The following NKAIN2 variants were observed in gnomAD, a reference collection of about 807,000 sequenced individuals.
The protein encoded by NKAIN2 is sodium/potassium-transporting ATPase subunit beta-1-interacting protein 2.
A neutral mutation model predicts 32.6 loss-of-function variants in NKAIN2; 14 were observed. The observed-to-expected ratio is 0.43, with a 90% CI of 0.28 to 0.67. The LOEUF is 0.67. Among genes scored for constraint, NKAIN2 ranks in the 30% least tolerant of loss-of-function variants. NKAIN2 has a pLI of 0.17. For synonymous variants in NKAIN2, 80 were observed against 87.2 expected, an observed-to-expected ratio of 0.92 and a Z score of 0.46; for missense variants, 198 against 258.3, an observed-to-expected ratio of 0.77 and a Z score of 1.60.
At chr6:124,417,489 CTTATTTATTTAT>C (rs10569310) in intron 3 of NKAIN2, among the ~76,000 whole-genome samples, 1 of 151,150 alleles carries the variant, frequency 6.6e-6, no homozygotes, top group African/African-American at 2.4e-5. Flanking sequence ...GCTAATCTTG[CTTATTTATTTAT>C]TTATTTATTT....
intron 6 of NKAIN2, among the ~76,000 whole-genome samples, chr6:124,820,479 G>A (rs1781349439): frequency 1.3e-5 from 2 of 152,270 alleles, no homozygotes; most frequent in African/African-American, 4.8e-5. Flanking sequence ...CATAGTAAGT[G>A]CTTAATAAAC....
chr6:124,761,022 C>A (rs1464334145), intron 4 of NKAIN2, among the ~76,000 whole-genome samples: 1 of 152,070 alleles, frequency 6.6e-6, no homozygotes, highest in Non-Finnish European at 1.5e-5. Context: ...CAGTGCCCTG[C>A]CCTCAATTCC....
intron 1 of NKAIN2, among the ~76,000 whole-genome samples, chr6:124,149,173 G>C (rs1385747506): frequency 2.4e-4 from 36 of 151,660 alleles, no homozygotes; most frequent in Admixed American, 2.4e-3. Flanking sequence ...TTTCATTATT[G>C]AATTGTAAGG....
intron 3 of NKAIN2, among the ~76,000 whole-genome samples, chr6:124,417,731 A>G (rs1774559867): frequency 6.6e-6 from 1 of 152,162 alleles, no homozygotes; most frequent in African/African-American, 2.4e-5. Flanking sequence ...GGCCAAAGTG[A>G]ACAATGCTGT....
intron 5 of NKAIN2, among the ~76,000 whole-genome samples, chr6:124,808,678 AG>A (rs1780719731): frequency 6.6e-6 from 1 of 152,226 alleles, no homozygotes; most frequent in African/African-American, 2.4e-5. Flanking sequence ...CAATAGGAAA[AG>A]AGGAAGTCAA....
At chr6:124,299,309 G>A (rs1457914473) in intron 2 of NKAIN2, among the ~76,000 whole-genome samples, 5 of 152,158 alleles carry the variant, frequency 3.3e-5, no homozygotes, top group African/African-American at 1.2e-4. Context: ...AAATCACTTA[G>A]ATTTATACGA....
At chr6:124,220,226 C>G (rs1400024934) in intron 1 of NKAIN2, among the ~76,000 whole-genome samples, 5 of 152,126 alleles carry the variant, frequency 3.3e-5, no homozygotes, top group African/African-American at 1.2e-4. Flanking sequence ...CACTATCTCT[C>G]CTTCTCTTTC....
chr6:123,997,193 GT>G (rs1390559761), intron 1 of NKAIN2, among the ~76,000 whole-genome samples: 2 of 152,158 alleles, frequency 1.3e-5, no homozygotes, highest in East Asian at 3.8e-4. Context: ...AGGCTGATAT[GT>G]TTTTAATAAC....
intron 4 of NKAIN2, among the ~76,000 whole-genome samples, chr6:124,746,149 T>G (rs1777442413): frequency 6.6e-6 from 1 of 151,898 alleles, no homozygotes; most frequent in South Asian, 2.1e-4. Context: ...CAGAGCCATG[T>G]TATATGGGGT....
At chr6:124,140,536 C>T (rs1272956268) in intron 1 of NKAIN2, among the ~76,000 whole-genome samples, 1 of 151,998 alleles carries the variant, frequency 6.6e-6, no homozygotes, top group East Asian at 1.9e-4. Context: ...CTAGTTCCTC[C>T]CTAGAATGAG....
chr6:123,988,604 T>G (rs1256491052), intron 1 of NKAIN2, among the ~76,000 whole-genome samples: 1 of 152,228 alleles, frequency 6.6e-6, no homozygotes, highest in Admixed American at 6.5e-5. Context: ...AATAATTCCC[T>G]GTACCTCTTA....
intron 4 of NKAIN2, among the ~76,000 whole-genome samples, chr6:124,705,672 C>G (rs964274839): frequency 1.3e-5 from 2 of 152,018 alleles, no homozygotes. Flanking sequence ...TTTTCAAAAT[C>G]TATAAAAACA....
chr6:124,233,964 A>G (rs141061086), intron 1 of NKAIN2, among the ~76,000 whole-genome samples: 3 of 152,212 alleles, frequency 2.0e-5, no homozygotes, highest in Non-Finnish European at 4.4e-5. Flanking sequence ...TTAGTTCTCA[A>G]TATTATCCAC....
At chr6:124,183,428 GATAGAGT>G (rs1562407251) in intron 1 of NKAIN2, among the ~76,000 whole-genome samples, 1 of 151,906 alleles carries the variant, frequency 6.6e-6, no homozygotes, top group Admixed American at 6.6e-5. Context: ...TAAATTATTA[GATAGAGT>G]ATAGTCTCTG....
Position 124,715,175 on chromosome 6 carries a change from T to C in NKAIN2, c.474+56789T>C, listed in dbSNP as rs1775692893. Reference sequence around the variant, plus strand: ...ATTTTCTCTTCTAGCCAGATCACACTGGTTATCCTCCCTAACTTGTAGCTG... The same window carrying C: ...ATTTTCTCTTCTAGCCAGATCACACCGGTTATCCTCCCTAACTTGTAGCTG... On this transcript the variant is annotated intron_variant, in intron 4 of 6. Coordinates refer to ENST00000368417, the MANE Select transcript of NKAIN2 (RefSeq NM_001040214.3). Among the ~76,000 whole-genome samples the C allele has an allele frequency of 3.3e-5, 5 of 152,322 alleles. No homozygotes were observed. The South Asian group carries it at 1.0e-3, about 32-fold the overall frequency.
At chr6:124,458,933 TGA>T (rs1405348214) in intron 3 of NKAIN2, among the ~76,000 whole-genome samples, 1 of 151,868 alleles carries the variant, frequency 6.6e-6, no homozygotes, top group East Asian at 1.9e-4. Flanking sequence ...TTGTAGGAAC[TGA>T]GAGAGTTTCT....
chr6:124,488,497 A>G (rs1230766356), intron 3 of NKAIN2, among the ~76,000 whole-genome samples: 1 of 152,014 alleles, frequency 6.6e-6, no homozygotes, highest in East Asian at 1.9e-4. Flanking sequence ...GAGATTATCC[A>G]CCCATTTTCC....
intron 1 of NKAIN2, among the ~76,000 whole-genome samples, chr6:123,870,918 A>G (rs1008421832): frequency 6.6e-6 from 1 of 151,948 alleles, no homozygotes; most frequent in Non-Finnish European, 1.5e-5. Context: ...TTTTTAATAT[A>G]ATCTCCTCTC....
chr6:124,337,567 C>A (rs1193593304), intron 2 of NKAIN2, among the ~76,000 whole-genome samples: 1 of 152,152 alleles, frequency 6.6e-6, no homozygotes. Context: ...GTTTAGAATT[C>A]TGTAAGAGAA....
Sources: gnomAD v4.1 joint callset for allele counts (sites outside exome capture counted in the v4.1 genomes callset) on GRCh38, gnomAD v4.1.1 for gene constraint, MANE v1.5 for transcripts, NCBI Gene and HGNC (gene_info 2026-07-23, HGNC 2026-07-21) for gene names.